The following GTF2IRD1 variants were observed in gnomAD, a reference collection of about 807,000 sequenced individuals.
GTF2IRD1 encodes general transcription factor II-I repeat domain-containing protein 1.
A neutral mutation model predicts 113.2 loss-of-function variants in GTF2IRD1; 26 were observed. That is an observed-to-expected ratio of 0.23 (90% CI 0.17 to 0.32). GTF2IRD1 has a LOEUF of 0.32. Among genes scored for constraint, GTF2IRD1 ranks in the 10% least tolerant of loss-of-function variants. GTF2IRD1 has a pLI of 1.00. For synonymous variants in GTF2IRD1, 484 were observed against 529.1 expected (o/e 0.91, Z 1.17); for missense variants, 864 against 1,280.8 (o/e 0.67, Z 4.97).
intron 3 of GTF2IRD1, among the ~76,000 whole-genome samples, chr7:74,513,800 C>T (rs1796769238): frequency 6.6e-6 from 1 of 151,970 alleles, no homozygotes; most frequent in Non-Finnish European, 1.5e-5. Context: ...TCACTTGAGC[C>T]CAGGAGTTGG....
intron 23 of GTF2IRD1, among the ~76,000 whole-genome samples, chr7:74,590,612 C>T (rs374368924): frequency 2.2e-4 from 33 of 150,656 alleles, no homozygotes; most frequent in African/African-American, 3.2e-4. Context: ...ACGATGGTCT[C>T]GATCTCCTGA....
intron 25 of GTF2IRD1, among the ~76,000 whole-genome samples, chr7:74,596,970 T>G (rs1554372495): frequency 6.6e-6 from 1 of 152,092 alleles, no homozygotes; most frequent in Non-Finnish European, 1.5e-5. Context: ...GGAGGATCAC[T>G]TGAGCCCAAG....
At chr7:74,500,831 C>T (rs761721733) in intron 1 of GTF2IRD1, among the ~76,000 whole-genome samples, 20 of 152,090 alleles carry the variant, frequency 1.3e-4, no homozygotes, top group Non-Finnish European at 2.6e-4. Flanking sequence ...TCAAGTGATC[C>T]TCCTGCCTCA....
At chr7:74,550,922 T>A (rs1172767868) in intron 17 of GTF2IRD1, among the ~76,000 whole-genome samples, 1 of 152,020 alleles carries the variant, frequency 6.6e-6, no homozygotes, top group Non-Finnish European at 1.5e-5. Context: ...TAGTCCCAGA[T>A]ACTTGGGAGG....
intron 22 of GTF2IRD1, among the ~76,000 whole-genome samples, chr7:74,586,412 C>T (rs1258421832): frequency 1.3e-5 from 2 of 152,100 alleles, no homozygotes; most frequent in African/African-American, 2.4e-5. Flanking sequence ...CATTACTCCA[C>T]GAGATAGGGA....
intron 1 of GTF2IRD1, among the ~76,000 whole-genome samples, chr7:74,483,604 G>C (rs1794863223): frequency 6.6e-6 from 1 of 152,150 alleles, no homozygotes; most frequent in African/African-American, 2.4e-5. Flanking sequence ...CAGCTACTTG[G>C]GAGGCTGAGG....
rs143509690 is a variant in GTF2IRD1 at position 74,476,339 on chromosome 7, C to T, written c.-7+22163C>T. 2.2e-3 allele frequency among the ~76,000 whole-genome samples: 321 copies of T among 148,382 alleles called. 2 individuals carry two copies. The highest frequency in any genetic ancestry group is 3.7e-3 in the Non-Finnish European group (250 of 67,600). On this transcript the variant is annotated intron_variant, in intron 1 of 26. Transcript: ENST00000424337. ...TCCTGGTGGATGTCTGCCTCTTCCA[C>T]GCCCGCTTGGAAGCCTTCTGAACCT...
chr7:74,504,444 C>T (rs1352280833), intron 1 of GTF2IRD1, among the ~76,000 whole-genome samples: 3 of 152,104 alleles, frequency 2.0e-5, no homozygotes, highest in Admixed American at 1.3e-4. Flanking sequence ...CCAGGAATGT[C>T]GAGTTGGGCC....
At chr7:74,490,550 C>CG (rs1411997259) in intron 1 of GTF2IRD1, among the ~76,000 whole-genome samples, 3 of 151,460 alleles carry the variant, frequency 2.0e-5, no homozygotes, top group Non-Finnish European at 4.4e-5. Flanking sequence ...ATACCCCCCC[C>CG]CCCGCCCGCC....
intron 22 of GTF2IRD1, among the ~76,000 whole-genome samples, chr7:74,563,559 A>G (rs1554359721): frequency 6.6e-6 from 1 of 151,560 alleles, no homozygotes; most frequent in Non-Finnish European, 1.5e-5. Context: ...CCTGGGCAAC[A>G]AGAGTGAAAC....
At chr7:74,589,782 T>G (rs1428006439) in intron 22 of GTF2IRD1, 69 bp from the exon 23 acceptor site, 3 of 907,962 alleles carry the variant, frequency 3.3e-6, no homozygotes, top group Admixed American at 3.5e-5. Context: ...GGACGCCTGG[T>G]GGGAGAAGCA....
At chr7:74,518,435 G>A (rs1797083886) in intron 5 of GTF2IRD1, 113 bp downstream of exon 5, 6 of 787,702 alleles carry the variant, frequency 7.6e-6, no homozygotes, top group Non-Finnish European at 1.2e-5. Context: ...GCCCGTGGGG[G>A]ACCCTGGTGG....
chr7:74,593,085 G>T (rs1467648674), intron 24 of GTF2IRD1, among the ~76,000 whole-genome samples: 3 of 151,822 alleles, frequency 2.0e-5, no homozygotes, highest in Non-Finnish European at 4.4e-5. Flanking sequence ...TGGAACTCCT[G>T]ACCTTAAGTG....
chr7:74,498,879 C>T (rs555941962), intron 1 of GTF2IRD1, among the ~76,000 whole-genome samples: 37 of 152,192 alleles, frequency 2.4e-4, no homozygotes, highest in African/African-American at 8.2e-4. Context: ...TAGGCGTGTA[C>T]CACCACCCCC....
intron 20 of GTF2IRD1, among the ~76,000 whole-genome samples, chr7:74,558,651 C>T (rs1489250617): frequency 6.6e-6 from 1 of 152,262 alleles, no homozygotes; most frequent in East Asian, 1.9e-4. Flanking sequence ...CGGGCATAAG[C>T]CACCATGCTG....
chr7:74,511,829 G>A (rs1260555870), intron 2 of GTF2IRD1, among the ~76,000 whole-genome samples: 4 of 152,334 alleles, frequency 2.6e-5, no homozygotes, highest in Admixed American at 6.5e-5. Flanking sequence ...TCCTGGTGGG[G>A]TAGGTCAGAG....
chr7:74,554,468 C>A (rs1262362849), intron 17 of GTF2IRD1, among the ~76,000 whole-genome samples: 1 of 152,176 alleles, frequency 6.6e-6, no homozygotes, highest in Admixed American at 6.6e-5. Flanking sequence ...AGCTCTCAGA[C>A]GTGAGCCGTA....
At chr7:74,514,983 G>A (rs1424893798) in intron 3 of GTF2IRD1, among the ~76,000 whole-genome samples, 1 of 150,748 alleles carries the variant, frequency 6.6e-6, no homozygotes, top group African/African-American at 2.4e-5. Context: ...CTTGAACCCT[G>A]GAGGTGGAGG....
intron 17 of GTF2IRD1, among the ~76,000 whole-genome samples, chr7:74,548,918 A>C (rs1303763296): frequency 1.2e-4 from 19 of 152,088 alleles, no homozygotes; most frequent in African/African-American, 4.1e-4. Flanking sequence ...AAAAACAAAA[A>C]AAACCAGGGA....
Sources: gnomAD v4.1 joint callset for allele counts (sites outside exome capture counted in the v4.1 genomes callset) on GRCh38, gnomAD v4.1.1 for gene constraint, MANE v1.5 for transcripts, NCBI Gene and HGNC (gene_info 2026-07-23, HGNC 2026-07-21) for gene names.